FHIT: variants seen among roughly 807,000 people sequenced by gnomAD.
FHIT encodes bis(5'-adenosyl)-triphosphatase.
Under a neutral mutation model 17.9 loss-of-function variants are expected in FHIT, and 19 were observed. The ratio of observed to expected loss-of-function variants is 1.06; its 90% CI spans 0.74 to 1.56. The LOEUF is 1.56. FHIT is among the 40% of genes most tolerant of loss of function. The probability of loss-of-function intolerance (pLI) is 0.00; values close to 1 mark genes in which losing one functional copy is unlikely to be tolerated. For synonymous variants in FHIT, 81 were observed against 69.7 expected, an observed-to-expected ratio of 1.16 and a Z score of -0.81; for missense variants, 248 against 189.2, an observed-to-expected ratio of 1.31 and a Z score of -1.82.
chr3:61,047,741 G>A (rs899565232), intron 2 of FHIT, among the ~76,000 whole-genome samples: 10 of 152,088 alleles, frequency 6.6e-5, no homozygotes, highest in African/African-American at 2.4e-4. Context: ...ATACCACAAG[G>A]CTACCCAAAC....
chr3:60,824,513 CAA>C (rs1216490798), intron 3 of FHIT, among the ~76,000 whole-genome samples: 1 of 152,020 alleles, frequency 6.6e-6, no homozygotes, highest in Non-Finnish European at 1.5e-5. Flanking sequence ...AAAAGGTAAA[CAA>C]ATAAATATTT....
At chr3:60,336,965 G>C (rs1710272217) in intron 5 of FHIT, among the ~76,000 whole-genome samples, 1 of 151,452 alleles carries the variant, frequency 6.6e-6, no homozygotes, top group African/African-American at 2.4e-5. Flanking sequence ...TAGACAGAGA[G>C]AAAATAAAAT....
intron 8 of FHIT, among the ~76,000 whole-genome samples, chr3:59,820,496 T>C (rs1417984703): frequency 6.6e-6 from 1 of 152,202 alleles, no homozygotes; most frequent in African/African-American, 2.4e-5. Context: ...TCTCACGATT[T>C]AGAACAGGAT....
At chr3:60,769,728 G>A (rs1553722538) in intron 4 of FHIT, among the ~76,000 whole-genome samples, 1 of 152,222 alleles carries the variant, frequency 6.6e-6, no homozygotes, top group Non-Finnish European at 1.5e-5. Flanking sequence ...CAGTCTATGT[G>A]TGGTTGAAGT....
chr3:60,827,189 G>C (rs1442405348), intron 3 of FHIT, among the ~76,000 whole-genome samples: 1 of 152,178 alleles, frequency 6.6e-6, no homozygotes, highest in Non-Finnish European at 1.5e-5. Context: ...GGAAAGTTCA[G>C]TAATCATGAA....
At chr3:61,151,188 C>T (rs978638360) in intron 2 of FHIT, among the ~76,000 whole-genome samples, 1 of 152,154 alleles carries the variant, frequency 6.6e-6, no homozygotes, top group Non-Finnish European at 1.5e-5. Flanking sequence ...CTGTGGCCTA[C>T]CGAAGTGCTT....
At chr3:61,019,165 C>G (rs541944922) in intron 3 of FHIT, among the ~76,000 whole-genome samples, 6 of 152,284 alleles carry the variant, frequency 3.9e-5, no homozygotes, top group Non-Finnish European at 5.9e-5. Flanking sequence ...ACTGATATAT[C>G]AGCAACAATG....
At chr3:61,126,737 G>A (rs2036618008) in intron 2 of FHIT, among the ~76,000 whole-genome samples, 1 of 152,216 alleles carries the variant, frequency 6.6e-6, no homozygotes, top group Admixed American at 6.5e-5. Flanking sequence ...GGTGATAGGT[G>A]CTGTAGAGAA....
intron 8 of FHIT, among the ~76,000 whole-genome samples, chr3:59,860,322 A>G (rs1437287818): frequency 1.3e-5 from 2 of 152,206 alleles, no homozygotes; most frequent in Non-Finnish European, 2.9e-5. Context: ...GAAAAAGAAG[A>G]TTCGGTATAA....
At chr3:61,057,399 C>G (rs1042850041) in intron 2 of FHIT, among the ~76,000 whole-genome samples, 1 of 151,948 alleles carries the variant, frequency 6.6e-6, no homozygotes, top group Non-Finnish European at 1.5e-5. Context: ...CAAGGTTGGT[C>G]ACAGTGAAAG....
At chr3:60,766,890 A>C (rs1699873314) in intron 4 of FHIT, among the ~76,000 whole-genome samples, 1 of 152,240 alleles carries the variant, frequency 6.6e-6, no homozygotes, top group East Asian at 1.9e-4. Flanking sequence ...CTAAAATTGC[A>C]TTCCTTAGAA....
chr3:59,822,936 G>A (rs909486886), intron 8 of FHIT, among the ~76,000 whole-genome samples: 13 of 152,202 alleles, frequency 8.5e-5, no homozygotes, highest in East Asian at 5.8e-4. Context: ...CTTTCAGGTC[G>A]TAGATTTAAG....
chr3:60,258,725 A>T (rs1706145483), intron 5 of FHIT, among the ~76,000 whole-genome samples: 1 of 152,138 alleles, frequency 6.6e-6, no homozygotes. Flanking sequence ...AACCCTCAAA[A>T]TAGGGAAGCC....
Position 61,114,026 on chromosome 3 carries a change from A to G in FHIT, c.-163-71927T>C, listed in dbSNP as rs534526600. Among the ~76,000 whole-genome samples, 19 of 152,304 alleles carry G rather than the reference A, an allele frequency of 1.2e-4. No individual in the cohort carries two copies. In the South Asian group the frequency reaches 3.9e-3, roughly 32 times the overall value. On this transcript the variant is annotated intron_variant, in intron 2 of 9. Transcript: ENST00000492590. ...GAGCAAAAGGGGTTTCTCTATGACT[A>G]TTGAGGTATATTAAGGACTCATTAC...
At chr3:60,816,396 T>G (rs1026114243) in intron 4 of FHIT, among the ~76,000 whole-genome samples, 2 of 152,070 alleles carry the variant, frequency 1.3e-5, no homozygotes, top group African/African-American at 4.8e-5. Flanking sequence ...TGGCTCTTAT[T>G]ATTTAGAGGT....
At chr3:60,397,655 G>T (rs1471320779) in intron 5 of FHIT, among the ~76,000 whole-genome samples, 1 of 152,138 alleles carries the variant, frequency 6.6e-6, no homozygotes, top group Non-Finnish European at 1.5e-5. Flanking sequence ...GCGACAGGAG[G>T]CGGCCAAATG....
intron 5 of FHIT, among the ~76,000 whole-genome samples, chr3:60,523,557 CA>C (rs1162781988): frequency 6.6e-6 from 1 of 152,048 alleles, no homozygotes; most frequent in Non-Finnish European, 1.5e-5. Context: ...CATGGGAAGC[CA>C]AGATGATAAA....
rs778575955 is a variant in FHIT, at chr3:60,106,445, C to A, written c.104-92293G>T. Among the ~76,000 whole-genome samples the A allele has an allele frequency of 1.0e-3, 152 of 152,170 alleles. 8 individuals are homozygous for A. The highest frequency in any genetic ancestry group is 2.8e-4 in the Non-Finnish European group (19 of 68,024). On this transcript the variant is annotated intron_variant, in intron 5 of 9. Transcript: ENST00000492590. ...AACCGCAAAAGTTTCAACCACAGTT[C>A]ATGATAAGTGCTTAATTAAGATGGA...
intron 5 of FHIT, among the ~76,000 whole-genome samples, chr3:60,398,135 A>G (rs1368041075): frequency 1.3e-5 from 2 of 152,130 alleles, no homozygotes; most frequent in African/African-American, 4.8e-5. Flanking sequence ...GACCTAGCTG[A>G]ACTAAGGAGC....
Sources: allele counts gnomAD v4.1 joint callset (sites outside exome capture counted in the v4.1 genomes callset), GRCh38; gene constraint gnomAD v4.1.1; transcripts MANE v1.5; gene names NCBI Gene and HGNC (gene_info 2026-07-23, HGNC 2026-07-21).